ACSM1: variants seen among roughly 807,000 people sequenced by gnomAD.
The protein encoded by ACSM1 is acyl-CoA synthetase medium chain family member 1, also known as acyl-coenzyme A synthetase ACSM1, mitochondrial.
Under a neutral mutation model 75.8 loss-of-function variants are expected in ACSM1, and 79 were observed. The ratio of observed to expected loss-of-function variants is 1.04; its 90% confidence interval spans 0.87 to 1.26. The LOEUF is 1.26. ACSM1 is among the 50% of genes most tolerant of loss of function. The pLI, the probability that ACSM1 is intolerant of heterozygous loss-of-function variation, is 0.00. For synonymous variants in ACSM1, 279 were observed against 265.8 expected (o/e 1.05, Z -0.48); for missense variants, 676 against 720.1 (o/e 0.94, Z 0.70).
intron 4 of ACSM1, among the ~76,000 whole-genome samples, chr16:20,672,815 T>C (rs1285441926): frequency 9.5e-5 from 12 of 126,436 alleles, no homozygotes; most frequent in African/African-American, 3.8e-4. Context: ...ATATATAATA[T>C]ATATTATATA....
intron 6 of ACSM1, among the ~76,000 whole-genome samples, chr16:20,665,296 C>T (rs902795281): frequency 1.3e-5 from 2 of 152,032 alleles, no homozygotes; most frequent in Middle Eastern, 3.4e-3. Flanking sequence ...TAAGCCCAAT[C>T]GGAAATGACA....
intron 1 of ACSM1, among the ~76,000 whole-genome samples, chr16:20,696,183 G>A (rs1045835238): frequency 6.6e-6 from 1 of 152,180 alleles, no homozygotes; most frequent in Admixed American, 6.5e-5. Flanking sequence ...CACTCTATGA[G>A]TTCCCATAAT....
intron 2 of ACSM1, among the ~76,000 whole-genome samples, chr16:20,686,693 G>A (rs1392873001): frequency 1.3e-5 from 2 of 151,960 alleles, no homozygotes; most frequent in East Asian, 3.9e-4. Context: ...ACACACCTGT[G>A]GTCCCAGCTA....
intron 2 of ACSM1, among the ~76,000 whole-genome samples, chr16:20,690,571 G>A (rs1207476334): frequency 6.6e-6 from 1 of 152,114 alleles, no homozygotes; most frequent in East Asian, 1.9e-4. Flanking sequence ...CATTCAGGTG[G>A]TCTATCCCCT....
At chr16:20,693,169 C>CAA (rs35507753) in intron 1 of ACSM1, among the ~76,000 whole-genome samples, 4 of 114,466 alleles carry the variant, frequency 3.5e-5, no homozygotes, top group Non-Finnish European at 3.7e-5. Flanking sequence ...AATTCCGTCT[C>CAA]AAAAAAAAAA....
chr16:20,637,262 G>C, intron 9 of ACSM1, 109 bp downstream of exon 9: 1 of 901,886 alleles, frequency 1.1e-6, no homozygotes, highest in Non-Finnish European at 1.9e-6. Flanking sequence ...GAAGAGAGGA[G>C]GAAGGATGAC....
In ACSM1 at chr16:20,671,607, T is replaced by G; in HGVS notation, c.676A>C (p.Thr226Pro). 1 of 1,613,686 alleles carries G rather than the reference T, an allele frequency of 6.2e-7. No homozygotes were observed. ...KTLDPMVIFFTSGTTGFPKMA... is the reference protein window; with the variant it reads ...KTLDPMVIFFPSGTTGFPKMA... ...TTGGGGAAGCCTGTGGTCCCACTGG[T>G]GAAGAAGATGACCATTGGGTCCAAG... is the stretch of plus-strand genomic sequence containing the variant. The change falls in exon 5 of 14, where the codon ACC (threonine) becomes CCC (proline). Residue 226 changes from threonine to proline, a missense_variant. Thr to Pro is a conservative substitution (Grantham distance 38). Coordinates refer to ENST00000520010, the MANE Select transcript of ACSM1 (RefSeq NM_001318890.3).
intron 4 of ACSM1, chr16:20,674,880 G>C (rs936593740): frequency 2.0e-5 from 3 of 152,236 alleles, no homozygotes; most frequent in Non-Finnish European, 4.4e-5. Flanking sequence ...AGGTGAGCTT[G>C]ATCACCTCCC....
chr16:20,624,312 T>C (rs1414196338), intron 12 of ACSM1, 97 bp from the exon 13 acceptor site: 15 of 1,409,918 alleles, frequency 1.1e-5, no homozygotes, highest in Non-Finnish European at 1.4e-5. Context: ...AAGGTGACAC[T>C]GAACCCTACA....
chr16:20,625,985 C>A (rs2016899630), intron 11 of ACSM1, among the ~76,000 whole-genome samples: 1 of 152,192 alleles, frequency 6.6e-6, no homozygotes, highest in South Asian at 2.1e-4. Context: ...AGCACACTAG[C>A]ATATCCATCG....
At chr16:20,650,209 T>C (rs1437464592) in intron 7 of ACSM1, among the ~76,000 whole-genome samples, 1 of 152,220 alleles carries the variant, frequency 6.6e-6, no homozygotes, top group Non-Finnish European at 1.5e-5. Flanking sequence ...AATGGAATTC[T>C]CTCCTGCATT....
intron 10 of ACSM1, among the ~76,000 whole-genome samples, chr16:20,634,982 A>G (rs180286): frequency 0.29 from 44,527 of 151,990 alleles, 7,978 homozygotes; most frequent in African/African-American, 0.5. Flanking sequence ...TCTTTTACAT[A>G]AATAAGGAGG....
chr16:20,657,978 G>A (rs1054989130), intron 7 of ACSM1, among the ~76,000 whole-genome samples: 3 of 152,112 alleles, frequency 2.0e-5, no homozygotes, highest in South Asian at 2.1e-4. Flanking sequence ...TGGTGTATAT[G>A]TGCCACATTT....
At chr16:20,653,504 C>T (rs528469131) in intron 7 of ACSM1, among the ~76,000 whole-genome samples, 1 of 152,180 alleles carries the variant, frequency 6.6e-6, no homozygotes, top group African/African-American at 2.4e-5. Context: ...TTTAAAAAAC[C>T]CCATCGTCTC....
chr16:20,689,144 T>C (rs116107252), intron 2 of ACSM1, among the ~76,000 whole-genome samples: 6 of 151,540 alleles, frequency 4.0e-5, no homozygotes, highest in African/African-American at 1.4e-4. Flanking sequence ...AGGGGAAGGA[T>C]TTTTACATTT....
At position 20,625,490 on chromosome 16, in the gene ACSM1, G is replaced by C; in HGVS notation, c.1460C>G (p.Ala487Gly). 1 of 1,614,158 alleles carries C rather than the reference G, an allele frequency of 6.2e-7. No individual in the cohort carries two copies. The highest frequency in any genetic ancestry group is 8.5e-7 in the Non-Finnish European group (1 of 1,180,038). Residue 487 changes from alanine (A) to glycine (G), a missense_variant, in exon 12 of 14, where the codon GCT becomes GGT. Transcript: ENST00000520010. ...CGCCACCGCTGGGTGCTCCACCAAA[G>C]CGCTTTCAACCTCTGCAGGCCCGAT... Reference protein sequence around the residue: ...YRIGPAEVESALVEHPAVAES... With the variant: ...YRIGPAEVESGLVEHPAVAES...
chr16:20,671,464 CA>C (rs2019892227), intron 5 of ACSM1, 66 bp downstream of exon 5: 75 of 1,457,158 alleles, frequency 5.1e-5, no homozygotes, highest in Non-Finnish European at 7.0e-5. Context: ...CACACACACA[CA>C]CACACACACA....
At chr16:20,637,661 G>C in intron 8 of ACSM1, among the ~76,000 whole-genome samples, 1 of 152,324 alleles carries the variant, frequency 6.6e-6, no homozygotes, top group Middle Eastern at 3.4e-3. Context: ...TCTGCAGCCA[G>C]TGTGGTCTGG....
intron 10 of ACSM1, among the ~76,000 whole-genome samples, chr16:20,629,119 A>G (rs1372125326): frequency 2.6e-5 from 4 of 152,220 alleles, no homozygotes; most frequent in Non-Finnish European, 4.4e-5. Flanking sequence ...AGAGCTTCCA[A>G]TGAGAATAGG....
Sources: gnomAD v4.1 joint callset for allele counts (sites outside exome capture counted in the v4.1 genomes callset) on GRCh38, gnomAD v4.1.1 for gene constraint, MANE v1.5 for transcripts, NCBI Gene and HGNC (gene_info 2026-07-23, HGNC 2026-07-21) for gene names.